Variants in CNBD1 observed in about 807,000 individuals in gnomAD.
CNBD1 encodes cyclic nucleotide binding domain containing 1, also known as cyclic nucleotide-binding domain-containing protein 1.
Under a neutral mutation model 54.4 loss-of-function variants are expected in CNBD1, and 71 were observed. The ratio of observed to expected loss-of-function variants is 1.30; its 90% CI spans 1.08 to 1.59. The LOEUF is 1.59. Among genes scored for constraint, CNBD1 ranks in the 40% most tolerant of loss-of-function variants. The pLI is 0.00. For synonymous variants in CNBD1, 182 were observed against 170.7 expected, an observed-to-expected ratio of 1.07 and a Z score of -0.51; for missense variants, 659 against 518.0, an observed-to-expected ratio of 1.27 and a Z score of -2.64.
chr8:87,056,272 A>G (rs750493454), intron 4 of CNBD1, among the ~76,000 whole-genome samples: 10 of 152,146 alleles, frequency 6.6e-5, no homozygotes, highest in Non-Finnish European at 1.3e-4. Context: ...GTGGCCCCAT[A>G]TCAGGGCACA....
At chr8:87,038,675 T>C (rs1457384242) in intron 4 of CNBD1, among the ~76,000 whole-genome samples, 1 of 152,254 alleles carries the variant, frequency 6.6e-6, no homozygotes, top group Non-Finnish European at 1.5e-5. Context: ...GGCCATTCAT[T>C]ACCTTTACAA....
chr8:87,249,372 G>A (rs991786724), intron 6 of CNBD1, among the ~76,000 whole-genome samples: 2 of 152,104 alleles, frequency 1.3e-5, no homozygotes, highest in Non-Finnish European at 2.9e-5. Flanking sequence ...TGCTTGTGCT[G>A]TGTGGCCTGA....
At chr8:87,062,750 G>C (rs1219079993) in intron 4 of CNBD1, among the ~76,000 whole-genome samples, 1 of 151,382 alleles carries the variant, frequency 6.6e-6, no homozygotes, top group African/African-American at 2.4e-5. Flanking sequence ...AAAAAAAAAT[G>C]CTTTGTACAT....
intron 4 of CNBD1, among the ~76,000 whole-genome samples, chr8:87,080,103 A>G (rs1420510888): frequency 6.6e-6 from 1 of 152,200 alleles, no homozygotes; most frequent in Non-Finnish European, 1.5e-5. Flanking sequence ...CATCCTTGTC[A>G]AAAATCAATT....
rs982622369 is a variant in CNBD1 at position 87,323,971 on chromosome 8, C to T, written c.1043-27714C>T. ...AGATAGCTCTTATTATTTTGAAATA[C>T]GTCCCATCAATACCTAATTTATTGA... On this transcript the variant is annotated intron_variant, in intron 8 of 10. Coordinates refer to ENST00000518476, the MANE Select transcript of CNBD1 (RefSeq NM_173538.3). 6.2e-3 allele frequency among the ~76,000 whole-genome samples: 855 copies of T among 137,488 alleles called. 15 individuals are homozygous for T. The highest frequency in any genetic ancestry group is 0.045 in the East Asian group (221 of 4,962). 90.2% of individuals were successfully genotyped at this position (137,488 alleles called of 152,430 possible). A position where few individuals can be genotyped will look rare whatever the true frequency, so the allele number is the denominator to read the frequency against.
intron 4 of CNBD1, among the ~76,000 whole-genome samples, chr8:86,978,534 CTTTTTTTTTT>C (rs71277907): frequency 3.9e-4 from 26 of 66,708 alleles, no homozygotes; most frequent in Non-Finnish European, 6.1e-4. Context: ...ATGCTTTTAT[CTTTTTTTTTT>C]TTTTTTTTTT....
At chr8:87,364,175 T>A (rs1354280331) in intron 10 of CNBD1, among the ~76,000 whole-genome samples, 3 of 151,688 alleles carry the variant, frequency 2.0e-5, no homozygotes, top group Non-Finnish European at 1.5e-5. Context: ...AATTTTTACT[T>A]GGAGAGATTA....
chr8:87,381,880 A>T (rs1050657421), intron 10 of CNBD1, among the ~76,000 whole-genome samples: 1 of 151,992 alleles, frequency 6.6e-6, no homozygotes, highest in Admixed American at 6.6e-5. Context: ...CCATGGGCAT[A>T]AAGTTTCAGT....
intron 3 of CNBD1, among the ~76,000 whole-genome samples, chr8:86,935,013 G>GTTTATTTATTTATTTA (rs774629886): frequency 2.0e-5 from 1 of 49,688 alleles, no homozygotes; most frequent in African/African-American, 4.0e-5. Flanking sequence ...GGGTTTGTTT[G>GTTTATTTATTTATTTA]TTTGTTTATT....
chr8:87,263,299 C>CA (rs1808179283), intron 6 of CNBD1, among the ~76,000 whole-genome samples: 3 of 152,066 alleles, frequency 2.0e-5, no homozygotes, highest in African/African-American at 7.2e-5. Flanking sequence ...GCAGTTGAAA[C>CA]TTTTTTCTAT....
intron 8 of CNBD1, among the ~76,000 whole-genome samples, chr8:87,296,345 C>A (rs963226138): frequency 6.6e-6 from 1 of 151,796 alleles, no homozygotes; most frequent in Non-Finnish European, 1.5e-5. Context: ...ATAAAATGAA[C>A]AAAGATAGAG....
At chr8:86,987,357 T>G (rs1290165248) in intron 4 of CNBD1, among the ~76,000 whole-genome samples, 3 of 152,216 alleles carry the variant, frequency 2.0e-5, no homozygotes, top group African/African-American at 7.2e-5. Context: ...TAGACTGATT[T>G]TGTATCCTGA....
At chr8:87,007,720 A>G (rs1032179817) in intron 4 of CNBD1, among the ~76,000 whole-genome samples, 6 of 152,198 alleles carry the variant, frequency 3.9e-5, no homozygotes, top group African/African-American at 1.4e-4. Context: ...TAACATTCTT[A>G]AAGTTTTCCT....
At chr8:86,877,894 T>G (rs147343091) in intron 1 of CNBD1, among the ~76,000 whole-genome samples, 1 of 152,244 alleles carries the variant, frequency 6.6e-6, no homozygotes, top group East Asian at 1.9e-4. Flanking sequence ...TATTTGAATG[T>G]GTTAGCCTCT....
intron 4 of CNBD1, among the ~76,000 whole-genome samples, chr8:86,963,101 G>T (rs1241887643): frequency 1.3e-5 from 2 of 152,110 alleles, no homozygotes; most frequent in Non-Finnish European, 2.9e-5. Context: ...ATGTGACAGG[G>T]AGAAAAGGCA....
intron 8 of CNBD1, among the ~76,000 whole-genome samples, chr8:87,343,598 T>C (rs1339860374): frequency 1.3e-5 from 2 of 152,204 alleles, no homozygotes; most frequent in Non-Finnish European, 2.9e-5. Flanking sequence ...CTATGTGTTG[T>C]TTAGGCTTTC....
chr8:87,010,218 C>G (rs976600425), intron 4 of CNBD1, among the ~76,000 whole-genome samples: 9 of 152,114 alleles, frequency 5.9e-5, no homozygotes, highest in Admixed American at 2.0e-4. Context: ...TTTTTCCCCC[C>G]ACTTCCCTTG....
chr8:87,118,414 A>AG (rs1044529154), intron 4 of CNBD1, among the ~76,000 whole-genome samples: 5 of 151,388 alleles, frequency 3.3e-5, no homozygotes, highest in South Asian at 2.1e-4. Context: ...TGTAAATAGG[A>AG]GGGTCAGGGT....
chr8:87,093,491 C>T (rs1214143697), intron 4 of CNBD1, among the ~76,000 whole-genome samples: 1 of 152,144 alleles, frequency 6.6e-6, no homozygotes, highest in Non-Finnish European at 1.5e-5. Flanking sequence ...CACTTGAGGC[C>T]TTCAACTGAT....
Sources: allele counts gnomAD v4.1 joint callset (sites outside exome capture counted in the v4.1 genomes callset), GRCh38; gene constraint gnomAD v4.1.1; transcripts MANE v1.5; gene names NCBI Gene and HGNC (gene_info 2026-07-23, HGNC 2026-07-21).